HSF2BP: variants seen among roughly 807,000 people sequenced by gnomAD.
The protein encoded by HSF2BP is heat shock transcription factor 2 binding protein.
A neutral mutation model predicts 35.0 loss-of-function variants in HSF2BP; 35 were observed. The observed-to-expected ratio is 1.00, with a 90% CI of 0.76 to 1.32. The LOEUF is 1.32. Among genes scored for constraint, HSF2BP ranks in the 40% most tolerant of loss-of-function variants. The pLI is 0.00. For synonymous variants in HSF2BP, 114 were observed against 117.4 expected (o/e 0.97, Z 0.18); for missense variants, 326 against 321.7 (o/e 1.01, Z -0.10).
chr21:43,626,912 G>C (rs1366853527), intron 6 of HSF2BP, among the ~76,000 whole-genome samples: 1 of 151,654 alleles, frequency 6.6e-6, no homozygotes, highest in Non-Finnish European at 1.5e-5. Context: ...CTGTCACCCA[G>C]GGTGGAGTGT....
chr21:43,630,271 C>T (rs2082437632), intron 6 of HSF2BP, 51 bp downstream of exon 6: 2 of 1,517,536 alleles, frequency 1.3e-6, no homozygotes, highest in African/African-American at 1.4e-5. Flanking sequence ...TGCTTTACTG[C>T]AGTGGTCTGG....
chr21:43,576,209 C>T (rs554667783), intron 8 of HSF2BP, among the ~76,000 whole-genome samples: 1 of 152,010 alleles, frequency 6.6e-6, no homozygotes, highest in African/African-American at 2.4e-5. Context: ...TCTTCCTGGG[C>T]CAAGACATCA....
chr21:43,577,376 C>T (rs932207935), intron 8 of HSF2BP, among the ~76,000 whole-genome samples: 1 of 152,160 alleles, frequency 6.6e-6, no homozygotes, highest in East Asian at 1.9e-4. Flanking sequence ...ACTGGAAGTA[C>T]AAAATACTTC....
intron 7 of HSF2BP, among the ~76,000 whole-genome samples, chr21:43,604,667 ACAC>A (rs199758759): frequency 0.041 from 4,871 of 118,932 alleles, 310 homozygotes; most frequent in African/African-American, 0.15. Context: ...CCACACACAC[ACAC>A]CACCACACAC....
intron 6 of HSF2BP, among the ~76,000 whole-genome samples, chr21:43,624,626 T>G (rs2082368248): frequency 6.6e-6 from 1 of 152,170 alleles, no homozygotes; most frequent in Non-Finnish European, 1.5e-5. Flanking sequence ...CCTGGAAGAC[T>G]AAGCTGGATC....
At chr21:43,621,515 A>T (rs778437018) in intron 6 of HSF2BP, among the ~76,000 whole-genome samples, 14 of 152,096 alleles carry the variant, frequency 9.2e-5, no homozygotes. Context: ...CAAGAGAGCA[A>T]GATTCTGTCT....
intron 3 of HSF2BP, among the ~76,000 whole-genome samples, chr21:43,651,656 C>G: frequency 6.6e-6 from 1 of 152,108 alleles, no homozygotes; most frequent in Non-Finnish European, 1.5e-5. Context: ...GTTCATTTTC[C>G]ATCCCTAATT....
intron 3 of HSF2BP, among the ~76,000 whole-genome samples, chr21:43,647,244 T>C (rs1000412614): frequency 1.3e-5 from 2 of 148,842 alleles, no homozygotes; most frequent in Non-Finnish European, 3.0e-5. Context: ...GAAACAACAA[T>C]TTTTTTTTTC....
intron 4 of HSF2BP, among the ~76,000 whole-genome samples, chr21:43,635,928 C>CAA (rs33999944): frequency 3.9e-4 from 28 of 71,088 alleles, no homozygotes; most frequent in Middle Eastern, 9.6e-3. Context: ...GACTCCATCT[C>CAA]AAAAAAAAAA....
At chr21:43,605,893 G>A (rs925808279) in intron 7 of HSF2BP, among the ~76,000 whole-genome samples, 17 of 146,804 alleles carry the variant, frequency 1.2e-4, no homozygotes, top group Non-Finnish European at 2.4e-4. Flanking sequence ...CCCACGCCCC[G>A]CCACATATAC....
At chr21:43,629,121 A>G (rs1410823947) in intron 6 of HSF2BP, among the ~76,000 whole-genome samples, 3 of 152,232 alleles carry the variant, frequency 2.0e-5, no homozygotes, top group Non-Finnish European at 4.4e-5. Flanking sequence ...CATATATCAA[A>G]AAGAAATTTC....
intron 3 of HSF2BP, among the ~76,000 whole-genome samples, chr21:43,650,447 C>T (rs767830607): frequency 5.9e-5 from 9 of 151,922 alleles, no homozygotes; most frequent in Non-Finnish European, 1.2e-4. Flanking sequence ...CCTCGTGATC[C>T]GCCCACTTCG....
At chr21:43,586,447 T>G (rs2081852317) in intron 8 of HSF2BP, among the ~76,000 whole-genome samples, 1 of 152,162 alleles carries the variant, frequency 6.6e-6, no homozygotes, top group African/African-American at 2.4e-5. Context: ...CATTGCAGCA[T>G]GAGATTTTTT....
chr21:43,649,583 A>G (rs1348488274), intron 3 of HSF2BP, among the ~76,000 whole-genome samples: 4 of 152,252 alleles, frequency 2.6e-5, no homozygotes, highest in Non-Finnish European at 4.4e-5. Flanking sequence ...TTAAAAGGTT[A>G]AAATTATTTA....
At chr21:43,594,129 C>G (rs1039136094) in intron 7 of HSF2BP, among the ~76,000 whole-genome samples, 1 of 152,012 alleles carries the variant, frequency 6.6e-6, no homozygotes, top group Non-Finnish European at 1.5e-5. Flanking sequence ...AATAATAAAG[C>G]TAGAATTGTG....
intron 8 of HSF2BP, among the ~76,000 whole-genome samples, chr21:43,579,183 T>C (rs184314848): frequency 2.8e-4 from 43 of 152,372 alleles, no homozygotes; most frequent in African/African-American, 9.4e-4. Context: ...TTACAAATCA[T>C]ATGGAAGATT....
chr21:43,607,696 T>C (rs970485136), intron 7 of HSF2BP, among the ~76,000 whole-genome samples: 1 of 152,282 alleles, frequency 6.6e-6, no homozygotes, highest in East Asian at 1.9e-4. Context: ...CTTCAAACTA[T>C]ACTACCAGGC....
At chr21:43,572,060 A>T (rs1376598903) in intron 8 of HSF2BP, among the ~76,000 whole-genome samples, 1 of 152,208 alleles carries the variant, frequency 6.6e-6, no homozygotes, top group Non-Finnish European at 1.5e-5. Context: ...TGGAAGTTAC[A>T]ACAGCCAGGA....
chr21:43,573,524 C>G (rs2081602464), intron 8 of HSF2BP, among the ~76,000 whole-genome samples: 2 of 152,212 alleles, frequency 1.3e-5, no homozygotes, highest in African/African-American at 4.8e-5. Flanking sequence ...CAAAATGACC[C>G]TGCTGTAATC....
Sources: gnomAD v4.1 joint callset for allele counts (sites outside exome capture counted in the v4.1 genomes callset) on GRCh38, gnomAD v4.1.1 for gene constraint, MANE v1.5 for transcripts, NCBI Gene and HGNC (gene_info 2026-07-23, HGNC 2026-07-21) for gene names.